The following AGO3 variants were observed in gnomAD, a reference collection of about 807,000 sequenced individuals.
The protein encoded by AGO3 is argonaute RISC catalytic component 3, also known as protein argonaute-3.
In AGO3, 16 loss-of-function variants were observed where a neutral mutation model predicts 105.5. The ratio of observed to expected loss-of-function variants is 0.15; its 90% CI spans 0.10 to 0.23. AGO3 has a LOEUF of 0.23. Among genes scored for constraint, AGO3 ranks in the 10% least tolerant of loss-of-function variants. AGO3 has a pLI of 1.00. For synonymous variants in AGO3, 340 were observed against 367.3 expected, an observed-to-expected ratio of 0.93 and a Z score of 0.85; for missense variants, 534 against 1,088.0, an observed-to-expected ratio of 0.49 and a Z score of 7.16.
At chr1:35,955,052 G>A (rs1454533703) in intron 2 of AGO3, among the ~76,000 whole-genome samples, 1 of 152,234 alleles carries the variant, frequency 6.6e-6, no homozygotes, top group Non-Finnish European at 1.5e-5. Flanking sequence ...AGTATAAATA[G>A]AGTAGCTAGA....
chr1:35,968,172 G>T (rs775308595), intron 3 of AGO3, among the ~76,000 whole-genome samples: 1 of 152,150 alleles, frequency 6.6e-6, no homozygotes, highest in Non-Finnish European at 1.5e-5. Flanking sequence ...ACTTTGGTCA[G>T]TTGATTAAAT....
At chr1:36,044,215 C>T (rs986924622) in intron 17 of AGO3, among the ~76,000 whole-genome samples, 5 of 151,982 alleles carry the variant, frequency 3.3e-5, no homozygotes, top group African/African-American at 7.2e-5. Flanking sequence ...TGTGGTAGCA[C>T]GTGCCTGTAG....
chr1:36,038,191 G>T (rs1642092868), intron 14 of AGO3, among the ~76,000 whole-genome samples: 1 of 152,010 alleles, frequency 6.6e-6, no homozygotes, highest in Non-Finnish European at 1.5e-5. Context: ...GTATACTGCA[G>T]GCTATGAGGC....
intron 2 of AGO3, among the ~76,000 whole-genome samples, chr1:35,961,127 A>AT (rs1571435540): frequency 1.4e-5 from 2 of 140,736 alleles, no homozygotes; most frequent in Non-Finnish European, 3.1e-5. Context: ...TTTTTTTTGT[A>AT]TTTTTAGTTG....
chr1:35,990,991 G>A (rs1393714671), intron 5 of AGO3, among the ~76,000 whole-genome samples: 3 of 152,012 alleles, frequency 2.0e-5, no homozygotes, highest in Non-Finnish European at 4.4e-5. Context: ...TACCCAGGCG[G>A]GCTATCTTCA....
intron 17 of AGO3, among the ~76,000 whole-genome samples, chr1:36,049,791 G>A (rs1642627604): frequency 6.6e-6 from 1 of 152,058 alleles, no homozygotes; most frequent in Admixed American, 6.6e-5. Flanking sequence ...CAGACTTTAA[G>A]TCAAAAACTA....
At chr1:35,930,919 C>A (rs1028918145), upstream of AGO3, 3 of 273,314 alleles carry the variant, frequency 1.1e-5, no homozygotes, top group African/African-American at 2.3e-5. Context: ...CGGCACGGCC[C>A]GGCGGGGTAC....
intron 14 of AGO3, among the ~76,000 whole-genome samples, chr1:36,038,476 T>G (rs185932292): frequency 6.6e-6 from 1 of 152,004 alleles, no homozygotes; most frequent in East Asian, 1.9e-4. Context: ...AGGATGGTCT[T>G]GATCTCCTGA....
chr1:36,054,898 CA>C (rs1557718053), intron 17 of AGO3, 47 bp from the exon 18 acceptor site: 1 of 1,577,182 alleles, frequency 6.3e-7, no homozygotes, highest in Admixed American at 1.7e-5. Flanking sequence ...CAAAACAAAA[CA>C]AAAAGAGTTC....
At chr1:35,935,838 ATAT>A (rs1223863582) in intron 1 of AGO3, among the ~76,000 whole-genome samples, 2 of 152,258 alleles carry the variant, frequency 1.3e-5, no homozygotes, top group Admixed American at 6.5e-5. Context: ...CTAACAAAAC[ATAT>A]TATCTTATAG....
At position 36,056,201 on chromosome 1, in the gene AGO3, T is replaced by C. The variant is rs1241675347; in HGVS notation, c.*456T>C. ...TTCATATATTCTTGTAAAAGGTGTC[T>C]GTGTATTTTTAAAATATATACATCC... On this transcript the variant is annotated 3_prime_UTR_variant, in exon 19 of 19. Transcript: ENST00000373191. 6.4e-6 allele frequency: 1 copy of C among 155,442 alleles called. No individual in the cohort carries two copies. Among genetic ancestry groups the C allele is most frequent in the East Asian group, 1.9e-4 (1 of 5,312 alleles). The allele number at this position is 155,442 out of a possible 1,614,324, so 9.6% of individuals were successfully genotyped here. A position where few individuals can be genotyped will look rare whatever the true frequency, so the allele number is the denominator to read the frequency against.
Position 36,027,365 on chromosome 1 carries a change from A to C in AGO3, c.1591+67A>C. The C allele has an allele frequency of 1.5e-6, 2 of 1,347,692 alleles. No individual in the cohort carries two copies. Among genetic ancestry groups the C allele is most frequent in the Non-Finnish European group, 2.0e-6 (2 of 1,003,942 alleles). 83.5% of individuals were successfully genotyped at this position (1,347,692 alleles called of 1,614,324 possible). A position where few individuals can be genotyped will look rare whatever the true frequency, so the allele number is the denominator to read the frequency against. On this transcript the variant is annotated intron_variant, in intron 12 of 18. Transcript: ENST00000373191. This position sits in a 1 kb window ranked among gnomAD's most constrained non-coding sequence, Gnocchi z 4.0. ...TGTCCTTTTAGGATTATACTGAAACATATCCTAAAACTTTCAAATATTAAA... is the reference window on the plus strand; with the variant it reads ...TGTCCTTTTAGGATTATACTGAAACCTATCCTAAAACTTTCAAATATTAAA...
At chr1:35,950,960 T>A (rs947900182) in intron 2 of AGO3, among the ~76,000 whole-genome samples, 2 of 152,196 alleles carry the variant, frequency 1.3e-5, no homozygotes, top group African/African-American at 4.8e-5. Flanking sequence ...ATTTTTATTT[T>A]ATTTATTTAT....
At chr1:35,987,085 C>T (rs568932889) in intron 5 of AGO3, among the ~76,000 whole-genome samples, 63 of 147,618 alleles carry the variant, frequency 4.3e-4, no homozygotes, top group African/African-American at 1.5e-3. Flanking sequence ...CCTAGCACTT[C>T]GGGAGGCCAA....
At chr1:35,963,764 A>G (rs920055966) in intron 2 of AGO3, among the ~76,000 whole-genome samples, 13 of 152,170 alleles carry the variant, frequency 8.5e-5, no homozygotes, top group African/African-American at 3.1e-4. Flanking sequence ...GTAATCGGGA[A>G]TGGAAAGTAA....
intron 17 of AGO3, among the ~76,000 whole-genome samples, chr1:36,048,790 G>A (rs1642578807): frequency 1.3e-5 from 2 of 152,088 alleles, no homozygotes; most frequent in South Asian, 2.1e-4. Flanking sequence ...CCTGGGCTCA[G>A]GCGATCCTCT....
chr1:36,019,764 T>TA (rs764223963), intron 11 of AGO3, among the ~76,000 whole-genome samples: 1 of 151,920 alleles, frequency 6.6e-6, no homozygotes, highest in African/African-American at 2.4e-5. Flanking sequence ...TGTAAGGTGT[T>TA]TGTTTGTTTG....
chr1:36,058,779 T>C lies in AGO3; in HGVS notation c.*3034T>C, dbSNP rs1359800665. ...AGGTAATATTTGTATCGTATATACA[T>C]TTTTTCTCCCAGCCTTCTCCCATCT... On this transcript the variant is annotated 3_prime_UTR_variant, in exon 19 of 19. Coordinates refer to ENST00000373191, the MANE Select transcript of AGO3 (RefSeq NM_024852.4). The C allele has an allele frequency of 6.6e-6, 1 of 152,170 alleles. No individual in the cohort carries two copies. Among genetic ancestry groups the C allele is most frequent in the Admixed American group, 6.5e-5 (1 of 15,268 alleles). The allele number at this position is 152,170 out of a possible 1,614,324, so 9.4% of individuals were successfully genotyped here.
chr1:35,988,660 C>G (rs776992962), intron 5 of AGO3, among the ~76,000 whole-genome samples: 1 of 151,936 alleles, frequency 6.6e-6, no homozygotes, highest in Non-Finnish European at 1.5e-5. Flanking sequence ...ATACCACATT[C>G]TTTTTATCCA....
Sources: gnomAD v4.1 joint callset for allele counts (sites outside exome capture counted in the v4.1 genomes callset) on GRCh38, gnomAD v4.1.1 for gene constraint, Gnocchi (gnomAD v3.1) non-coding constraint, MANE v1.5 for transcripts, NCBI Gene and HGNC (gene_info 2026-07-23, HGNC 2026-07-21) for gene names.